The following RAPGEF6 variants were observed in gnomAD, a reference collection of about 807,000 sequenced individuals.
RAPGEF6 encodes PDZ domain containing guanine nucleotide exchange factor (GEF) 2.
A neutral mutation model predicts 171.4 loss-of-function variants in RAPGEF6; 56 were observed. That is an observed-to-expected ratio of 0.33 (90% CI 0.26 to 0.41). The LOEUF is 0.41. Ranked by LOEUF, RAPGEF6 falls within the 10% of genes least tolerant of loss-of-function variation. The pLI is 1.00. For missense variants in RAPGEF6, 1,674 were observed against 1,921.4 expected (o/e 0.87, Z 2.41); for synonymous variants, 692 against 650.1 (o/e 1.06, Z -0.98).
At chr5:131,432,688 T>C (rs1042701342) in intron 25 of RAPGEF6, among the ~76,000 whole-genome samples, 2 of 151,706 alleles carry the variant, frequency 1.3e-5, no homozygotes, top group Admixed American at 6.6e-5. Flanking sequence ...TTTGTTTATG[T>C]GTTGTCTATG....
rs762161017 is a variant in RAPGEF6 at position 131,634,999 on chromosome 5, T to A, written c.32A>T (p.Gln11Leu). ...CTCGGGTGGCTTCTTCCTCAACGCC[T>A]GCCTAGCGCCAGGGTCCACGGGTGA... MNSPVDPGAR[Q>L]ALRKKPPERT... The change falls in exon 1 of 28, where the codon CAG (glutamine) becomes CTG (leucine). Residue 11 changes from glutamine (Q) to leucine (L), a missense_variant. Around this residue, in one of 3 missense-constraint regions of RAPGEF6, gnomAD observed 1,116 missense variants for 1,321.5 expected, o/e 0.84. Coordinates refer to ENST00000509018, the MANE Select transcript of RAPGEF6 (RefSeq NM_016340.6). 1 of 1,613,876 alleles carries A rather than the reference T, an allele frequency of 6.2e-7. No homozygotes were observed. Among genetic ancestry groups the A allele is most frequent in the Non-Finnish European group, 8.5e-7 (1 of 1,179,806 alleles).
At chr5:131,625,693 G>T (rs1011007869) in intron 1 of RAPGEF6, among the ~76,000 whole-genome samples, 20 of 151,982 alleles carry the variant, frequency 1.3e-4, no homozygotes, top group African/African-American at 4.8e-4. Context: ...GCGAGCGGCA[G>T]TAGTCCCAGC....
intron 6 of RAPGEF6, among the ~76,000 whole-genome samples, chr5:131,533,849 G>T (rs888246250): frequency 1.3e-5 from 2 of 151,810 alleles, no homozygotes; most frequent in African/African-American, 4.8e-5. Context: ...AGTGAGTGTG[G>T]ACTAAAAAAA....
intron 21 of RAPGEF6, 25 bp downstream of exon 21, chr5:131,453,029 A>C (rs758587311): frequency 6.3e-7 from 1 of 1,598,328 alleles, no homozygotes; most frequent in East Asian, 2.2e-5. Context: ...CCACTCTAAC[A>C]CTTTTACATA....
chr5:131,481,650 C>T (rs1442068588), intron 15 of RAPGEF6, among the ~76,000 whole-genome samples: 1 of 152,108 alleles, frequency 6.6e-6, no homozygotes, highest in Non-Finnish European at 1.5e-5. Flanking sequence ...CAAATTTTTG[C>T]CTTGTGAGGA....
rs761929696 is a variant in RAPGEF6 at position 131,604,697 on chromosome 5, TG to T, written c.70-5del. 2 of 1,599,456 alleles carry T rather than the reference TG, an allele frequency of 1.3e-6. No individual in the cohort carries two copies. Among genetic ancestry groups the T allele is most frequent in the South Asian group, 2.3e-5 (2 of 88,406 alleles). Reference sequence around the variant, plus strand: ...AAGAATAAATAGTATTTAAGTCCTGTGGAACAGAAGAAAAAAATTAGATTAT... The same window carrying T: ...AAGAATAAATAGTATTTAAGTCCTGTGAACAGAAGAAAAAAATTAGATTAT... On this transcript the variant is annotated splice_region_variant and splice_polypyrimidine_tract_variant and intron_variant, in intron 1 of 27. Coordinates refer to ENST00000509018, the MANE Select transcript of RAPGEF6 (RefSeq NM_016340.6).
intron 6 of RAPGEF6, among the ~76,000 whole-genome samples, chr5:131,545,405 T>C (rs1312400415): frequency 6.6e-6 from 1 of 151,770 alleles, no homozygotes; most frequent in Non-Finnish European, 1.5e-5. Context: ...GGTTTACACA[T>C]TAAGGAAAAA....
intron 4 of RAPGEF6, among the ~76,000 whole-genome samples, chr5:131,579,753 T>G (rs1762825491): frequency 6.6e-6 from 1 of 151,964 alleles, no homozygotes; most frequent in Non-Finnish European, 1.5e-5. Flanking sequence ...TTTACAAACC[T>G]TTAGCTAGAC....
chr5:131,626,694 C>T (rs1765951317), intron 1 of RAPGEF6, among the ~76,000 whole-genome samples: 1 of 151,830 alleles, frequency 6.6e-6, no homozygotes. Context: ...GAATAGGGAC[C>T]ATGTCTAACT....
intron 15 of RAPGEF6, among the ~76,000 whole-genome samples, chr5:131,487,714 C>T (rs1007435363): frequency 2.0e-5 from 3 of 152,164 alleles, no homozygotes; most frequent in Non-Finnish European, 4.4e-5. Flanking sequence ...CCCAGGAAGT[C>T]CAGCTGGCTT....
intron 17 of RAPGEF6, chr5:131,469,693 G>A: frequency 2.5e-6 from 2 of 788,392 alleles, no homozygotes; most frequent in Non-Finnish European, 3.8e-6. Flanking sequence ...GGAAAGAAAA[G>A]TTGTGCTTAC....
At chr5:131,518,571 T>C (rs1758258554) in intron 7 of RAPGEF6, among the ~76,000 whole-genome samples, 1 of 151,996 alleles carries the variant, frequency 6.6e-6, no homozygotes, top group South Asian at 2.1e-4. Context: ...TAATTTTTTA[T>C]TTTTAGTAGA....
At chr5:131,564,768 A>T (rs985424033) in intron 4 of RAPGEF6, among the ~76,000 whole-genome samples, 1 of 152,218 alleles carries the variant, frequency 6.6e-6, no homozygotes, top group Non-Finnish European at 1.5e-5. Context: ...TTTGTATGTT[A>T]AAGAAAGTAA....
chr5:131,619,210 A>G (rs993333509), intron 1 of RAPGEF6, among the ~76,000 whole-genome samples: 1 of 150,736 alleles, frequency 6.6e-6, no homozygotes, highest in African/African-American at 2.5e-5. Flanking sequence ...AAACTAACAC[A>G]GGAACAGAAA....
intron 6 of RAPGEF6, 49 bp downstream of exon 6, chr5:131,547,998 A>G: frequency 1.3e-6 from 2 of 1,577,504 alleles, no homozygotes; most frequent in South Asian, 2.3e-5. Flanking sequence ...TAAAGATACT[A>G]GATATGAAAA....
Position 131,528,083 on chromosome 5 carries a change from T to TATACGTA in RAPGEF6, c.496-6563_496-6562insTACGTAT, listed in dbSNP as rs1554079068. 4.1e-5 allele frequency among the ~76,000 whole-genome samples: 5 copies of TATACGTA among 123,010 alleles called. 1 individual carries two copies. Among genetic ancestry groups the TATACGTA allele is most frequent in the African/African-American group, 1.3e-4 (4 of 30,268 alleles). The allele number at this position is 123,010 out of a possible 152,430, so 80.7% of individuals were successfully genotyped here. On this transcript the variant is annotated intron_variant, in intron 6 of 27. Transcript: ENST00000509018. ...TAATATATAAATTTATAATTTATAT[T>TATACGTA]ATATGTAATATAAATTTATATATTA... is the stretch of plus-strand genomic sequence containing the variant.
intron 17 of RAPGEF6, among the ~76,000 whole-genome samples, chr5:131,467,948 T>C (rs907852303): frequency 2.0e-5 from 3 of 149,576 alleles, no homozygotes; most frequent in Non-Finnish European, 4.5e-5. Flanking sequence ...GGAGGATCAC[T>C]TGGGCCCAGG....
At chr5:131,613,798 A>C (rs533995557) in intron 1 of RAPGEF6, among the ~76,000 whole-genome samples, 128 of 152,214 alleles carry the variant, frequency 8.4e-4, no homozygotes, top group African/African-American at 3.0e-3. Flanking sequence ...TGAAAACACC[A>C]AATTTTTATT....
intron 1 of RAPGEF6, among the ~76,000 whole-genome samples, chr5:131,612,332 T>G (rs1444969839): frequency 1.3e-5 from 2 of 151,856 alleles, no homozygotes; most frequent in African/African-American, 4.8e-5. Flanking sequence ...ACACAACACT[T>G]TATTATAAAA....
Sources: gnomAD v4.1 joint callset for allele counts (sites outside exome capture counted in the v4.1 genomes callset) on GRCh38, gnomAD v4.1.1 for gene constraint, gnomAD v4.1.1 regional missense constraint, MANE v1.5 for transcripts, NCBI Gene and HGNC (gene_info 2026-07-23, HGNC 2026-07-21) for gene names.